The following TRIO variants were observed in gnomAD, a reference collection of about 807,000 sequenced individuals.
The protein encoded by TRIO is triple functional domain protein.
Under a neutral mutation model 351.9 loss-of-function variants are expected in TRIO, and 58 were observed. That is an observed-to-expected ratio of 0.16 (90% CI 0.13 to 0.21). The LOEUF is 0.21. TRIO is among the 10% of genes least tolerant of loss of function. The pLI is 1.00. For missense variants in TRIO, 3,201 were observed against 4,027.8 expected (o/e 0.79, Z 5.56); for synonymous variants, 1,758 against 1,595.7 (o/e 1.10, Z -2.42).
intron 2 of TRIO, among the ~76,000 whole-genome samples, chr5:14,275,567 T>A (rs1418011407): frequency 7.9e-6 from 1 of 126,482 alleles, no homozygotes; most frequent in Non-Finnish European, 1.8e-5. Flanking sequence ...GCCTCCCCTA[T>A]AGGAAAACTT....
intron 10 of TRIO, among the ~76,000 whole-genome samples, chr5:14,333,916 T>C (rs961730269): frequency 2.0e-5 from 3 of 152,180 alleles, no homozygotes; most frequent in African/African-American, 7.2e-5. Context: ...GGGAACAGGA[T>C]AGTAGGAGTT....
At chr5:14,379,843 A>C (rs538892934) in intron 20 of TRIO, among the ~76,000 whole-genome samples, 1 of 152,290 alleles carries the variant, frequency 6.6e-6, no homozygotes, top group South Asian at 2.1e-4. Context: ...TCTGCCTTCC[A>C]GCCGTTCTGC....
rs1396579137 is a variant in TRIO at position 14,510,098 on chromosome 5, A to G, written c.*1676A>G. 6.6e-6 allele frequency: 1 copy of G among 152,160 alleles called. No homozygotes were observed. The highest frequency in any genetic ancestry group is 1.5e-5 in the Non-Finnish European group (1 of 68,044). 9.4% of individuals were successfully genotyped at this position (152,160 alleles called of 1,614,324 possible). The stretch of plus-strand genomic sequence containing the variant: ...CAGTTAAATTTTTACATTATTTTGC[A>G]TGTATATTTCTTTGTACAGAGACCT... On this transcript the variant is annotated 3_prime_UTR_variant, in exon 57 of 57. Coordinates refer to ENST00000344204, the MANE Select transcript of TRIO (RefSeq NM_007118.4).
chr5:14,378,119 G>T lies in TRIO; in HGVS notation c.3439G>T (p.Ala1147Ser). ...CQQYVVFERS[A>S]KQALEWIHDN... is the part of the protein sequence containing the mutation. ...GCAGTACGTGGTCTTTGAGAGGAGT[G>T]CCAAGCAGGTCAGTGCACACCTGGT... Residue 1147 changes from alanine to serine, a missense_variant, in exon 20 of 57, where the codon GCC becomes TCC. By Grantham distance (99) the Ala-to-Ser change is moderately conservative. This residue lies in a region of TRIO where 201 missense variants were observed against 266.5 expected (regional missense o/e 0.75). Coordinates refer to ENST00000344204, the MANE Select transcript of TRIO (RefSeq NM_007118.4). 6.2e-7 allele frequency: 1 copy of T among 1,610,460 alleles called. No individual in the cohort carries two copies. The highest frequency in any genetic ancestry group is 1.3e-5 in the African/African-American group (1 of 75,020).
intron 31 of TRIO, among the ~76,000 whole-genome samples, chr5:14,404,185 A>G (rs1442381924): frequency 6.6e-6 from 1 of 151,892 alleles, no homozygotes; most frequent in African/African-American, 2.4e-5. Context: ...GGTAGTGGCG[A>G]TGATGATGTC....
intron 30 of TRIO, among the ~76,000 whole-genome samples, chr5:14,399,968 T>C (rs560390049): frequency 6.6e-6 from 1 of 152,338 alleles, no homozygotes; most frequent in East Asian, 1.9e-4. Context: ...TTGGACAACT[T>C]ACACATCATA....
chr5:14,484,743 C>T (rs1755792606), intron 46 of TRIO, among the ~76,000 whole-genome samples: 1 of 152,212 alleles, frequency 6.6e-6, no homozygotes, highest in African/African-American at 2.4e-5. Flanking sequence ...GCCCTGTACC[C>T]ATTAAACAGT....
chr5:14,465,787 C>T (rs1754211216), intron 37 of TRIO, 147 bp downstream of exon 37: 4 of 775,832 alleles, frequency 5.2e-6, no homozygotes, highest in South Asian at 1.6e-5. Flanking sequence ...TGACCACCCT[C>T]GGGTTCACTG....
intron 9 of TRIO, among the ~76,000 whole-genome samples, chr5:14,330,147 G>A (rs1740776548): frequency 6.6e-6 from 1 of 152,164 alleles, no homozygotes; most frequent in African/African-American, 2.4e-5. Flanking sequence ...AGATTATACT[G>A]CTTTGTTTTT....
intron 53 of TRIO, among the ~76,000 whole-genome samples, chr5:14,502,183 G>A (rs564337524): frequency 2.6e-4 from 40 of 152,302 alleles, no homozygotes; most frequent in African/African-American, 8.7e-4. Flanking sequence ...CCAGGTGAAC[G>A]GGGAGGACCA....
intron 9 of TRIO, among the ~76,000 whole-genome samples, chr5:14,328,129 A>G (rs1411534654): frequency 6.6e-6 from 1 of 152,254 alleles, no homozygotes; most frequent in African/African-American, 2.4e-5. Flanking sequence ...AATGCGCTCA[A>G]TCCACCAGTT....
chr5:14,489,511 C>T (rs1006436803), intron 48 of TRIO, among the ~76,000 whole-genome samples: 4 of 152,170 alleles, frequency 2.6e-5, no homozygotes, highest in African/African-American at 9.7e-5. Flanking sequence ...CGGGCTATAC[C>T]CGTCAGCACT....
chr5:14,488,301 C>G, intron 48 of TRIO, 41 bp downstream of exon 48: 1 of 1,518,468 alleles, frequency 6.6e-7, no homozygotes, highest in Non-Finnish European at 8.8e-7. Flanking sequence ...GCCCCCCTGC[C>G]TCTGTCCCGC....
rs142683635 is a variant in TRIO, at chr5:14,204,719, C to G, written c.157+60837C>G. On this transcript the variant is annotated intron_variant, in intron 1 of 56. Coordinates refer to ENST00000344204, the MANE Select transcript of TRIO (RefSeq NM_007118.4). Reference sequence around the variant, plus strand: ...GGGAACAGACATGAAGTAAAAGATACAGTGTAACATGGAGAGTTAACCTAA... The same window carrying G: ...GGGAACAGACATGAAGTAAAAGATAGAGTGTAACATGGAGAGTTAACCTAA... Among the ~76,000 whole-genome samples the G allele has an allele frequency of 3.3e-5, 5 of 152,266 alleles. No individual in the cohort carries two copies. In the East Asian group the frequency reaches 9.7e-4, roughly 29 times the overall value.
chr5:14,481,754 G>A, intron 45 of TRIO, 136 bp downstream of exon 45: 1 of 379,490 alleles, frequency 2.6e-6, no homozygotes, highest in Non-Finnish European at 4.6e-6. Context: ...ACCTCAATCT[G>A]ATTGATATTT....
intron 1 of TRIO, among the ~76,000 whole-genome samples, chr5:14,184,372 A>G (rs1003483635): frequency 6.6e-6 from 1 of 152,256 alleles, no homozygotes; most frequent in Non-Finnish European, 1.5e-5. Context: ...CTGTACAGCC[A>G]TGGGATCACA....
chr5:14,351,128 G>T (rs1052055572), intron 11 of TRIO, among the ~76,000 whole-genome samples: 1 of 152,120 alleles, frequency 6.6e-6, no homozygotes, highest in African/African-American at 2.4e-5. Flanking sequence ...GTACTGGTCC[G>T]CAGCCCACAC....
chr5:14,232,370 A>G (rs1043386740), intron 1 of TRIO, among the ~76,000 whole-genome samples: 1 of 152,120 alleles, frequency 6.6e-6, no homozygotes, highest in South Asian at 2.1e-4. Flanking sequence ...TGGTGGTCTT[A>G]GGTGTCACTG....
rs553039321 is a variant in TRIO at position 14,457,764 on chromosome 5, C to A, written c.5204-3255C>A. On this transcript the variant is annotated intron_variant, in intron 34 of 56. Transcript: ENST00000344204. ...CTTCAGGGCTGCCCTGCGTCCCTGC[C>A]TGCCCTGCATGCCCTTTTCCGAGAG... Among the ~76,000 whole-genome samples, 7 of 152,244 alleles carry A rather than the reference C, an allele frequency of 4.6e-5. 1 individual carries two copies. In the South Asian group the frequency reaches 1.5e-3, roughly 32 times the overall value.
Sources: gnomAD v4.1 joint callset for allele counts (sites outside exome capture counted in the v4.1 genomes callset) on GRCh38, gnomAD v4.1.1 for gene constraint, gnomAD v4.1.1 regional missense constraint, MANE v1.5 for transcripts, NCBI Gene and HGNC (gene_info 2026-07-23, HGNC 2026-07-21) for gene names.